LY9: variants seen among roughly 807,000 people sequenced by gnomAD.
LY9 encodes T-lymphocyte surface antigen Ly-9.
LY9 carries 59 observed loss-of-function variants against 64.6 expected under a neutral mutation model. That is an observed-to-expected ratio of 0.91 (90% CI 0.74 to 1.13). The LOEUF (loss-of-function observed/expected upper bound fraction) is 1.13, where lower values mean the gene tolerates loss of function less well. Among genes scored for constraint, LY9 ranks in the 50% most tolerant of loss-of-function variants. The probability of loss-of-function intolerance (pLI) is 0.00; values close to 1 mark genes in which losing one functional copy is unlikely to be tolerated. For missense variants in LY9, 789 were observed against 797.2 expected (o/e 0.99, Z 0.12); for synonymous variants, 281 against 308.5 (o/e 0.91, Z 0.93).
At chr1:160,816,160 A>G (rs532539) in intron 4 of LY9, among the ~76,000 whole-genome samples, 150,032 of 152,330 alleles carry the variant, frequency 0.98, 73,934 homozygotes, top group East Asian at 1. Flanking sequence ...CATTTATTGA[A>G]CATTTACTCT....
At chr1:160,826,089 A>G (rs1668837654) in intron 9 of LY9, among the ~76,000 whole-genome samples, 1 of 152,230 alleles carries the variant, frequency 6.6e-6, no homozygotes, top group Non-Finnish European at 1.5e-5. Context: ...TGATTAACAC[A>G]TATTTTGCAT....
At chr1:160,815,212 C>G (rs1348482631) in intron 4 of LY9, 1 of 160,196 alleles carries the variant, frequency 6.2e-6, no homozygotes, top group Admixed American at 5.9e-5. Flanking sequence ...CGGTGGTGGG[C>G]GCCTGTAATC....
chr1:160,814,924 C>A (rs1463936095), intron 4 of LY9, 163 bp downstream of exon 4: 1 of 628,194 alleles, frequency 1.6e-6, no homozygotes, highest in South Asian at 2.0e-5. Context: ...TCATAGGAGG[C>A]AAACTCATGA....
chr1:160,820,667 G>C (rs1668348002), intron 7 of LY9, among the ~76,000 whole-genome samples: 1 of 151,856 alleles, frequency 6.6e-6, no homozygotes. Context: ...TCCTTCCTTG[G>C]GCAGAGGGTA....
chr1:160,827,009 T>G (rs576858270), intron 9 of LY9, among the ~76,000 whole-genome samples: 1 of 152,306 alleles, frequency 6.6e-6, no homozygotes, highest in African/African-American at 2.4e-5. Context: ...TGAAACCACC[T>G]CACTTACAGT....
Position 160,814,379 on chromosome 1 carries a change from GGACAGT to G in LY9, c.731-37_731-32del. ...GGATGCCTGGGGGCCAAGGGAGTAG[GGACAGT>G]GACTGAAGCTGCAATGTCTCATCTG... On this transcript the variant is annotated intron_variant, in intron 3 of 9. Transcript: ENST00000263285. 3.4e-6 allele frequency: 5 copies of G among 1,481,252 alleles called. No individual in the cohort carries two copies. The South Asian group carries it at 6.1e-5, about 18-fold the overall frequency. The allele number at this position is 1,481,252 out of a possible 1,614,324, so 91.8% of individuals were successfully genotyped here.
rs1668709449 is a variant in LY9, at chr1:160,824,218, C to T, written c.1868C>T (p.Ala623Val). The stretch of plus-strand genomic sequence containing the variant: ...GTTTCTCAGAAGGAAGAGAGCTCAG[C>T]CACAATCTACTGCTCCATACGGAAA... ...TPVSQKEESS[A>V]TIYCSIRKPQ... Residue 623 changes from alanine (A) to valine (V), a missense_variant, in exon 9 of 10, where the codon GCC becomes GTC. By Grantham distance (64) the Ala-to-Val change is moderately conservative (BLOSUM62 0). Transcript: ENST00000263285. 1 of 1,614,126 alleles carries T rather than the reference C, an allele frequency of 6.2e-7. No homozygotes were observed. The highest frequency in any genetic ancestry group is 2.2e-5 in the East Asian group (1 of 44,874).
In LY9 at chr1:160,818,110, G is replaced by A. The variant is rs2271966; in HGVS notation, c.1343-108G>A. 6.1e-3 allele frequency: 4,453 copies of A among 725,574 alleles called. 60 individuals carry two copies. Among genetic ancestry groups the A allele is most frequent in the East Asian group, 0.04 (1,531 of 38,486 alleles). The allele number at this position is 725,574 out of a possible 1,614,324, so 44.9% of individuals were successfully genotyped here. A position where few individuals can be genotyped will look rare whatever the true frequency, so the allele number is the denominator to read the frequency against. ...AATGAAAAGAAAGACTTTCCACAAC[G>A]TCATGGATTTTAAGGGGCAGGTAGG... On this transcript the variant is annotated intron_variant, in intron 5 of 9. Coordinates refer to ENST00000263285, the MANE Select transcript of LY9 (RefSeq NM_002348.4).
At chr1:160,804,172 C>T (rs1046482329) in intron 2 of LY9, among the ~76,000 whole-genome samples, 1 of 152,144 alleles carries the variant, frequency 6.6e-6, no homozygotes, top group African/African-American at 2.4e-5. Context: ...TGTTCGAGTT[C>T]TCAGAAGAAA....
intron 7 of LY9, 43 bp from the exon 8 acceptor site, chr1:160,823,422 T>C (rs775307370): frequency 4.8e-6 from 7 of 1,458,276 alleles, no homozygotes; most frequent in Non-Finnish European, 5.7e-6. Context: ...AGAAGAGAGG[T>C]GGGGTTGGCA....
intron 7 of LY9, among the ~76,000 whole-genome samples, chr1:160,820,052 G>C (rs1297728996): frequency 6.6e-6 from 1 of 152,034 alleles, no homozygotes; most frequent in Non-Finnish European, 1.5e-5. Context: ...TGTCCCCCAG[G>C]GTCTCTAGGG....
chr1:160,801,944 A>G, intron 2 of LY9: 1 of 1,610,266 alleles, frequency 6.2e-7, no homozygotes, highest in Non-Finnish European at 8.5e-7. Context: ...GCCACTGGAG[A>G]CCGCTCCGCC....
At chr1:160,797,860 TATACACAC>T (rs1666039935) in intron 1 of LY9, among the ~76,000 whole-genome samples, 1 of 42,272 alleles carries the variant, frequency 2.4e-5, no homozygotes, top group East Asian at 5.5e-4. Context: ...GTAGATGATC[TATACACAC>T]ACACACACAC....
chr1:160,796,878 T>TA (rs1400236658), intron 1 of LY9, among the ~76,000 whole-genome samples: 1 of 152,132 alleles, frequency 6.6e-6, no homozygotes, highest in East Asian at 1.9e-4. Context: ...ATGGTGTGGA[T>TA]AAAACCCACA....
chr1:160,806,149 A>G (rs532617028), intron 2 of LY9, among the ~76,000 whole-genome samples: 39 of 152,116 alleles, frequency 2.6e-4, no homozygotes, highest in Non-Finnish European at 4.7e-4. Context: ...TTTTAAATGG[A>G]TAATTTAATC....
At chr1:160,817,633 G>C (rs567182489) in intron 5 of LY9, among the ~76,000 whole-genome samples, 1 of 152,100 alleles carries the variant, frequency 6.6e-6, no homozygotes, top group Admixed American at 6.5e-5. Flanking sequence ...CACAATCTTC[G>C]CAACAATCCT....
At chr1:160,806,411 C>T (rs1201757183) in intron 2 of LY9, among the ~76,000 whole-genome samples, 3 of 152,130 alleles carry the variant, frequency 2.0e-5, no homozygotes, top group Non-Finnish European at 4.4e-5. Context: ...GTTTAGGATT[C>T]CCTTGAGCAT....
intron 2 of LY9, chr1:160,811,522 A>G (rs936029900): frequency 4.6e-5 from 7 of 152,220 alleles, no homozygotes; most frequent in Non-Finnish European, 7.3e-5. Flanking sequence ...CACATTTTAT[A>G]TAAGTAGCAA....
At position 160,801,789 on chromosome 1, in the gene LY9, G is replaced by A. The variant is rs758025015; in HGVS notation, c.454+1707G>A. On this transcript the variant is annotated intron_variant, in intron 2 of 9. Coordinates refer to ENST00000263285, the MANE Select transcript of LY9 (RefSeq NM_002348.4). ...TGCATGTGACTATTCAATTTTCCCAGCACCATTTATTGAAAAGTTGTCCGT... is the reference window on the plus strand; with the variant it reads ...TGCATGTGACTATTCAATTTTCCCAACACCATTTATTGAAAAGTTGTCCGT... 7.5e-6 allele frequency: 12 copies of A among 1,610,692 alleles called. No homozygotes were observed. The Middle Eastern group carries it at 8.2e-4, about 111-fold the overall frequency.
Sources: gnomAD v4.1 joint callset for allele counts (sites outside exome capture counted in the v4.1 genomes callset) on GRCh38, gnomAD v4.1.1 for gene constraint, MANE v1.5 for transcripts, NCBI Gene and HGNC (gene_info 2026-07-23, HGNC 2026-07-21) for gene names.